AP3B1: variants seen among roughly 807,000 people sequenced by gnomAD.
AP3B1 encodes the protein adaptor related protein complex 3 subunit beta 1.
Under a neutral mutation model 132.5 loss-of-function variants are expected in AP3B1, and 61 were observed. That is an observed-to-expected ratio of 0.46 (90% CI 0.37 to 0.57). AP3B1 has a LOEUF of 0.57. AP3B1 is among the 20% of genes least tolerant of loss of function. The pLI, the probability that AP3B1 is intolerant of heterozygous loss-of-function variation, is 0.00. For synonymous variants in AP3B1, 388 were observed against 438.3 expected (o/e 0.89, Z 1.43); for missense variants, 1,120 against 1,289.4 (o/e 0.87, Z 2.01).
At chr5:78,028,639 C>A (rs757961964) in intron 24 of AP3B1, among the ~76,000 whole-genome samples, 2 of 152,172 alleles carry the variant, frequency 1.3e-5, no homozygotes, top group East Asian at 3.9e-4. Context: ...CTATGGGTAA[C>A]CTGTACGGGC....
In AP3B1 at chr5:78,294,550, C is replaced by T; in HGVS notation, c.30G>A (p.Glu10=). 6.2e-7 allele frequency: 1 copy of T among 1,614,234 alleles called. No individual in the cohort carries two copies. Among genetic ancestry groups the T allele is most frequent in the South Asian group, 1.1e-5 (1 of 91,090 alleles). ...CCGTCGCCTCCCCTCCTCCGGACTG[C>T]TCATTGTAAGGAAAACTATTGCTGG... MSSNSFPYN[E]QSGGGEATEL... The change falls in exon 1 of 27, where the codon GAG becomes GAA. Residue 10 remains glutamate (E), a synonymous_variant. Transcript: ENST00000255194.
chr5:78,244,306 G>C lies in AP3B1; in HGVS notation c.205-3370C>G, dbSNP rs566683403. Among the ~76,000 whole-genome samples, 20 of 152,196 alleles carry C rather than the reference G, an allele frequency of 1.3e-4. No individual in the cohort carries two copies. In the South Asian group the frequency reaches 3.1e-3, roughly 24 times the overall value. ...CAGATGCCTGTAATCCCAGTTACTTGGGAGGCTGAGGCAGGAGAATCACTT... is the reference window on the plus strand; with the variant it reads ...CAGATGCCTGTAATCCCAGTTACTTCGGAGGCTGAGGCAGGAGAATCACTT... On this transcript the variant is annotated intron_variant, in intron 2 of 26. Transcript: ENST00000255194.
At chr5:78,053,913 G>A (rs1006648419) in intron 22 of AP3B1, among the ~76,000 whole-genome samples, 1 of 152,274 alleles carries the variant, frequency 6.6e-6, no homozygotes, top group African/African-American at 2.4e-5. Flanking sequence ...GTGAGGTGTG[G>A]TGGGAAACAC....
chr5:78,165,894 C>A (rs983478879), intron 11 of AP3B1, among the ~76,000 whole-genome samples: 2 of 152,054 alleles, frequency 1.3e-5, no homozygotes, highest in African/African-American at 2.4e-5. Flanking sequence ...CATGGAGAAA[C>A]CCTGTCTCTA....
chr5:78,034,857 T>C (rs2079814538), intron 23 of AP3B1, among the ~76,000 whole-genome samples: 1 of 151,798 alleles, frequency 6.6e-6, no homozygotes, highest in Non-Finnish European at 1.5e-5. Context: ...ATTCTAGATA[T>C]AAAAAGTAAA....
intron 4 of AP3B1, 33 bp downstream of exon 4, chr5:78,228,111 T>C (rs1298707947): frequency 1.4e-6 from 2 of 1,423,368 alleles, no homozygotes; most frequent in African/African-American, 1.4e-5. Flanking sequence ...GCAGAAACCT[T>C]GTAGCTATTT....
chr5:78,125,908 ATCTATC>A (rs1561425241), intron 17 of AP3B1, among the ~76,000 whole-genome samples: 2 of 152,164 alleles, frequency 1.3e-5, no homozygotes, highest in African/African-American at 4.8e-5. Flanking sequence ...CAACAAACCA[ATCTATC>A]AGCCAATAAA....
At chr5:78,084,542 A>G (rs1231752570) in intron 22 of AP3B1, among the ~76,000 whole-genome samples, 15 of 149,430 alleles carry the variant, frequency 1.0e-4, no homozygotes, top group Admixed American at 2.0e-4. Context: ...AAAAAAAAAA[A>G]AAAAGAAAAG....
chr5:78,011,342 G>A (rs574476905), intron 26 of AP3B1, among the ~76,000 whole-genome samples: 21 of 151,984 alleles, frequency 1.4e-4, no homozygotes, highest in Non-Finnish European at 2.2e-4. Context: ...CACCATGCCC[G>A]GCCACTCTGT....
intron 22 of AP3B1, chr5:78,087,570 G>A (rs1267248458): frequency 3.0e-6 from 3 of 985,218 alleles, no homozygotes; most frequent in African/African-American, 3.5e-5. Context: ...TGATCATTTT[G>A]TTAGCTTTTG....
chr5:78,055,241 G>A (rs1748759424), intron 22 of AP3B1, among the ~76,000 whole-genome samples: 1 of 152,168 alleles, frequency 6.6e-6, no homozygotes, highest in African/African-American at 2.4e-5. Flanking sequence ...CCTGCACTGT[G>A]GCACTGGCCA....
chr5:78,139,001 ACTGAGCTC>A (rs1753032343), intron 15 of AP3B1, among the ~76,000 whole-genome samples: 1 of 149,556 alleles, frequency 6.7e-6, no homozygotes, highest in Non-Finnish European at 1.5e-5. Context: ...CACTTCAGAA[ACTGAGCTC>A]CAAAACTGCC....
chr5:78,257,166 G>A (rs994668261), intron 2 of AP3B1, among the ~76,000 whole-genome samples: 2 of 152,148 alleles, frequency 1.3e-5, no homozygotes, highest in African/African-American at 4.8e-5. Context: ...GGAAGTCCTA[G>A]CTAGAGCAAT....
intron 26 of AP3B1, 137 bp from the exon 27 acceptor site, chr5:78,003,192 C>A: frequency 1.0e-6 from 1 of 983,096 alleles, no homozygotes. Flanking sequence ...GCCAAAAACC[C>A]AAAGCCAAGC....
chr5:78,102,197 A>G (rs892857131), intron 20 of AP3B1, among the ~76,000 whole-genome samples: 2 of 152,166 alleles, frequency 1.3e-5, no homozygotes, highest in Admixed American at 1.3e-4. Context: ...ATCACTATTT[A>G]AAGTTTACAC....
At chr5:78,071,020 G>A (rs1749517043) in intron 22 of AP3B1, among the ~76,000 whole-genome samples, 1 of 152,134 alleles carries the variant, frequency 6.6e-6, no homozygotes, top group African/African-American at 2.4e-5. Context: ...AAGATCTAGA[G>A]GCAGAAATAC....
intron 6 of AP3B1, 96 bp downstream of exon 6, chr5:78,225,446 A>T (rs146688679): frequency 8.9e-6 from 6 of 672,852 alleles, no homozygotes; most frequent in Non-Finnish European, 1.4e-5. Context: ...CCATTTTGAA[A>T]TCAATAAATA....
chr5:78,087,809 T>A, intron 22 of AP3B1: 1 of 515,446 alleles, frequency 1.9e-6, no homozygotes. Context: ...TAGAAGAGTC[T>A]ACACTCAGAG....
intron 7 of AP3B1, among the ~76,000 whole-genome samples, chr5:78,196,719 A>G (rs1220499386): frequency 6.6e-6 from 1 of 152,206 alleles, no homozygotes; most frequent in Non-Finnish European, 1.5e-5. Context: ...ATGAAAAGAC[A>G]TGGAGACAAC....
Sources: gnomAD v4.1 joint callset for allele counts (sites outside exome capture counted in the v4.1 genomes callset) on GRCh38, gnomAD v4.1.1 for gene constraint, MANE v1.5 for transcripts, NCBI Gene and HGNC (gene_info 2026-07-23, HGNC 2026-07-21) for gene names.